The following TTN variants were observed in gnomAD, a reference collection of about 807,000 sequenced individuals.
TTN encodes connectin.
TTN carries 1,525 observed loss-of-function variants against 3,223.0 expected under a neutral mutation model. The observed-to-expected ratio is 0.47, with a 90% CI of 0.45 to 0.49. The LOEUF (loss-of-function observed/expected upper bound fraction) is 0.49, where lower values mean the gene tolerates loss of function less well. Among genes scored for constraint, TTN ranks in the 20% least tolerant of loss-of-function variants. The pLI, the probability that TTN is intolerant of heterozygous loss-of-function variation, is 0.00. For synonymous variants in TTN, 14,094 were observed against 15,161.0 expected (o/e 0.93, Z 5.17); for missense variants, 40,786 against 43,424.0 (o/e 0.94, Z 5.40).
chr2:178,564,407 T>C lies in TTN; in HGVS notation c.81725A>G (p.Glu27242Gly). The C allele has an allele frequency of 1.2e-6, 2 of 1,613,474 alleles. No individual in the cohort carries two copies. The highest frequency in any genetic ancestry group is 1.7e-6 in the Non-Finnish European group (2 of 1,179,688). ...VSGLVEDQRY[E>G]FRVIARNAAG... ...TGCATTTCTTGCAATTACTCTAAATTCATATCTTTGGTCTTCTACAAGTCC... is the reference window on the plus strand; with the variant it reads ...TGCATTTCTTGCAATTACTCTAAATCCATATCTTTGGTCTTCTACAAGTCC... The change falls in exon 326 of 363, where the codon GAA becomes GGA. Residue 27242 changes from glutamate (E) to glycine (G), a missense_variant. By Grantham distance (98) the Glu-to-Gly change is moderately conservative. Transcript: ENST00000589042.
chr2:178,772,937 C>T (rs926892776), intron 33 of TTN, 172 bp downstream of exon 33: 1 of 777,806 alleles, frequency 1.3e-6, no homozygotes, highest in East Asian at 2.7e-5. Context: ...CCTAGAAGAA[C>T]ATTTGTAATT....
intron 34 of TTN, chr2:178,770,923 A>G: frequency 3.8e-6 from 3 of 786,522 alleles, no homozygotes; most frequent in Non-Finnish European, 4.5e-6. Context: ...GCTATGTATT[A>G]GCAGCATAAT....
At position 178,766,599 on chromosome 2, in the gene TTN, T is replaced by C. The variant is rs727503681; in HGVS notation, c.9485A>G (p.Gln3162Arg). ...GACCTCAAATTCAACAACAGCACGC[T>C]GTTTCTCAATGACCTGTTGATGGAA... ...IKKEVQVIEK[Q>R]RAVVEFEVNE... Residue 3162 changes from glutamine to arginine, a missense_variant, in exon 41 of 363, where the codon CAG becomes CGG. Coordinates refer to ENST00000589042, the MANE Select transcript of TTN (RefSeq NM_001267550.2). The C allele has an allele frequency of 8.7e-5, 141 of 1,613,512 alleles. 1 individual carries two copies. In the East Asian group the frequency reaches 3.0e-3, roughly 34 times the overall value.
At chr2:178,647,501 A>T in intron 213 of TTN, 37 bp from the exon 214 acceptor site, 1 of 1,539,634 alleles carries the variant, frequency 6.5e-7, no homozygotes, top group Non-Finnish European at 8.8e-7. Flanking sequence ...TTAAGAATTT[A>T]GAAGACATGC....
intron 67 of TTN, 108 bp downstream of exon 67, chr2:178,728,002 A>G (rs1221059024): frequency 7.0e-7 from 1 of 1,420,320 alleles, no homozygotes; most frequent in Admixed American, 2.9e-5. Flanking sequence ...TATGTATCTA[A>G]AGAACCAGAA....
chr2:178,667,019 T>C (rs2066069601), intron 162 of TTN, 118 bp from the exon 163 acceptor site: 1 of 961,848 alleles, frequency 1.0e-6, no homozygotes. Context: ...AGAAATGTTA[T>C]TTTTGTTCTA....
At position 178,613,024 on chromosome 2, in the gene TTN, G is replaced by A. The variant is rs749465647; in HGVS notation, c.49697C>T (p.Thr16566Ile). The change falls in exon 265 of 363, where the codon ACA becomes ATA. Residue 16566 changes from threonine to isoleucine, a missense_variant. By Grantham distance (89) the Thr-to-Ile change is moderately conservative. Coordinates refer to ENST00000589042, the MANE Select transcript of TTN (RefSeq NM_001267550.2). ...TTTTGTCCAATTCAACCTTACTGAT[G>A]TTTTGCCTACATCTTTTACAGTTGG... ...GKPTVKDVGK[T>I]SVRLNWTKPE... 14 of 1,612,760 alleles carry A rather than the reference G, an allele frequency of 8.7e-6. No homozygotes were observed. Among genetic ancestry groups the A allele is most frequent in the African/African-American group, 1.3e-5 (1 of 74,944 alleles).
chr2:178,799,308 AC>A (rs2154358343), intron 6 of TTN, 178 bp downstream of exon 6: 1 of 918,148 alleles, frequency 1.1e-6, no homozygotes, highest in East Asian at 2.7e-5. Context: ...GTCCAGAGGA[AC>A]ACGGAGCCCC....
In TTN at chr2:178,757,698, T is replaced by C; in HGVS notation, c.10522A>G (p.Thr3508Ala). The change falls in exon 45 of 363, where the codon ACA becomes GCA. Residue 3508 changes from threonine (T) to alanine (A), a missense_variant. Transcript: ENST00000589042. ...TCAAAATGGAAAACTACATCTTTTG[T>C]TGGTAGAATTAGCTGCTGGTTATGA... ...WFHNQQLILP[T>A]KDVVFHFEES... is the part of the protein sequence containing the mutation. 3.1e-6 allele frequency: 5 copies of C among 1,613,842 alleles called. No homozygotes were observed. The highest frequency in any genetic ancestry group is 3.4e-6 in the Non-Finnish European group (4 of 1,179,810).
Position 178,527,742 on chromosome 2 carries a change from A to T in TTN, c.107384T>A (p.Val35795Asp). Residue 35795 changes from valine to aspartate, a missense_variant, in exon 362 of 363, where the codon GTT (valine) becomes GAT (aspartate). Transcript: ENST00000589042. ...ATASLMVLPL[V>D]EEPSREVVLR... ...TACTACCTCTCTGGAAGGTTCTTCAACTAGAGCTGTGGAGCATAGCAGATA... is the reference window on the plus strand; with the variant it reads ...TACTACCTCTCTGGAAGGTTCTTCATCTAGAGCTGTGGAGCATAGCAGATA... 1 of 1,593,516 alleles carries T rather than the reference A, an allele frequency of 6.3e-7. No homozygotes were observed. The highest frequency in any genetic ancestry group is 1.1e-5 in the South Asian group (1 of 88,026).
In TTN at chr2:178,604,124, G is replaced by C; in HGVS notation, c.54563C>G (p.Thr18188Ser). ...AGAGCCACCATTGTCCAAAGGAGGA[G>C]TCCAGCTCACTAGCATTGATCCTTT... Reference protein sequence around the residue: ...RTKGSMLVSWTPPLDNGGSPI... With the variant: ...RTKGSMLVSWSPPLDNGGSPI... Residue 18188 changes from threonine to serine, a missense_variant, in exon 282 of 363, where the codon ACT (threonine) becomes AGT (serine). Transcript: ENST00000589042. 1 of 1,612,542 alleles carries C rather than the reference G, an allele frequency of 6.2e-7. No individual in the cohort carries two copies. The highest frequency in any genetic ancestry group is 8.5e-7 in the Non-Finnish European group (1 of 1,179,016).
intron 304 of TTN, 46 bp downstream of exon 304, chr2:178,588,492 G>T: frequency 6.8e-7 from 1 of 1,480,000 alleles, no homozygotes; most frequent in East Asian, 2.3e-5. Context: ...TTCTGTGCTT[G>T]AGATTAAGAG....
intron 24 of TTN, 143 bp from the exon 25 acceptor site, chr2:178,778,118 T>A: frequency 9.8e-7 from 1 of 1,021,852 alleles, no homozygotes; most frequent in Non-Finnish European, 1.4e-6. Context: ...CTCATTCAGA[T>A]CTAAAATAGA....
chr2:178,551,975 G>T lies in TTN; in HGVS notation c.90925C>A (p.Gln30309Lys), dbSNP rs990620732. Residue 30309 changes from glutamine to lysine, a missense_variant, in exon 335 of 363, where the codon CAA becomes AAA. Transcript: ENST00000589042. Reference sequence around the variant, plus strand: ...ACAATAATGCTTGAGACAAGTGGTTGGCTGACTCCGTATCTGTTTTCTGCT... The same window carrying T: ...ACAATAATGCTTGAGACAAGTGGTTTGCTGACTCCGTATCTGTTTTCTGCT... ...VRAENRYGVS[Q>K]PLVSSIIVAK... is the part of the protein sequence containing the mutation. The T allele has an allele frequency of 6.2e-7, 1 of 1,611,540 alleles. No individual in the cohort carries two copies. Among genetic ancestry groups the T allele is most frequent in the African/African-American group, 1.3e-5 (1 of 74,872 alleles).
In TTN at chr2:178,567,471, G is replaced by T. The variant is rs1421106206; in HGVS notation, c.78661C>A (p.Pro26221Thr). Residue 26221 changes from proline (P) to threonine (T), a missense_variant, in exon 326 of 363, where the codon CCC (proline) becomes ACC (threonine). Coordinates refer to ENST00000589042, the MANE Select transcript of TTN (RefSeq NM_001267550.2). ...FRLEADVHGK[P>T]LPTIEWLRGD... ...CTTAACCACTCAATGGTAGGTAGGG[G>T]CTTTCCATGGACATCAGCCTCAAGT... The T allele has an allele frequency of 3.7e-6, 6 of 1,613,056 alleles. No individual in the cohort carries two copies. Among genetic ancestry groups the T allele is most frequent in the Non-Finnish European group, 5.1e-6 (6 of 1,179,452 alleles).
intron 142 of TTN, 113 bp from the exon 143 acceptor site, chr2:178,678,943 T>A: frequency 4.7e-6 from 4 of 845,556 alleles, no homozygotes; most frequent in Non-Finnish European, 7.3e-6. Flanking sequence ...TCAATTTCAC[T>A]TTAAGACTGA....
Position 178,723,055 on chromosome 2 carries a change from A to G in TTN, c.21952T>C (p.Ser7318Pro). The G allele has an allele frequency of 6.2e-7, 1 of 1,613,436 alleles. No individual in the cohort carries two copies. Among genetic ancestry groups the G allele is most frequent in the East Asian group, 2.2e-5 (1 of 44,866 alleles). ...CAATAAGACAACACACCTAATGTAG[A>G]TACCAGAGCTCCACAAACATCCCTT... ...AGRDVCGALV[S>P]TLEPPYFVTE... The change falls in exon 75 of 363, where the codon TCT (serine) becomes CCT (proline). Residue 7318 changes from serine to proline, a missense_variant. Coordinates refer to ENST00000589042, the MANE Select transcript of TTN (RefSeq NM_001267550.2).
intron 15 of TTN, 27 bp from the exon 16 acceptor site, chr2:178,784,378 A>T: frequency 6.2e-7 from 1 of 1,612,878 alleles, no homozygotes; most frequent in Non-Finnish European, 8.5e-7. Context: ...TCAGAAAATA[A>T]AGTCATTTAA....
intron 349 of TTN, chr2:178,541,987 C>T (rs1465168612): frequency 6.3e-6 from 2 of 317,686 alleles, no homozygotes; most frequent in African/African-American, 4.3e-5. Flanking sequence ...TCCCTTCTCT[C>T]TTTTCTTCCT....
Sources: allele counts gnomAD v4.1 joint callset, GRCh38; gene constraint gnomAD v4.1.1; transcripts MANE v1.5; gene names NCBI Gene and HGNC (gene_info 2026-07-23, HGNC 2026-07-21).